RGS7: variants seen among roughly 807,000 people sequenced by gnomAD.
The protein encoded by RGS7 is regulator of G-protein signaling 7.
In RGS7, 27 loss-of-function variants were observed where a neutral mutation model predicts 81.1. The ratio of observed to expected loss-of-function variants is 0.33; its 90% confidence interval spans 0.25 to 0.46. RGS7 has a LOEUF of 0.46. RGS7 is among the 20% of genes least tolerant of loss of function. The pLI is 1.00. For missense variants in RGS7, 396 were observed against 607.4 expected, an observed-to-expected ratio of 0.65 and a Z score of 3.66; for synonymous variants, 208 against 207.7, an observed-to-expected ratio of 1.00 and a Z score of -0.01.
chr1:241,296,042 T>C (rs2079403652), intron 2 of RGS7, among the ~76,000 whole-genome samples: 1 of 152,136 alleles, frequency 6.6e-6, no homozygotes, highest in African/African-American at 2.4e-5. Flanking sequence ...ATGGAGTATC[T>C]TGAGAAGATT....
intron 3 of RGS7, among the ~76,000 whole-genome samples, chr1:241,040,743 G>A (rs1011942715): frequency 3.9e-5 from 6 of 152,076 alleles, no homozygotes; most frequent in South Asian, 2.1e-4. Flanking sequence ...GCCCACCTCG[G>A]CCTCCCAAGG....
intron 3 of RGS7, among the ~76,000 whole-genome samples, chr1:241,000,944 A>T (rs1260186196): frequency 4.0e-5 from 6 of 151,502 alleles, no homozygotes; most frequent in Non-Finnish European, 7.4e-5. Flanking sequence ...GGTGTGAGCC[A>T]CCGTGCCTGA....
At chr1:241,114,612 G>A (rs956212268) in intron 2 of RGS7, among the ~76,000 whole-genome samples, 1 of 152,110 alleles carries the variant, frequency 6.6e-6, no homozygotes, top group Admixed American at 6.6e-5. Flanking sequence ...AATATTCTGT[G>A]ACTAATAGAT....
chr1:241,304,144 CG>C (rs2079939774), intron 2 of RGS7, among the ~76,000 whole-genome samples: 1 of 152,022 alleles, frequency 6.6e-6, no homozygotes, highest in Non-Finnish European at 1.5e-5. Context: ...TTGCCCAGCC[CG>C]GGCTCAAACT....
At chr1:240,862,908 A>T (rs551062349) in intron 9 of RGS7, among the ~76,000 whole-genome samples, 1 of 150,182 alleles carries the variant, frequency 6.7e-6, no homozygotes, top group Admixed American at 6.6e-5. Context: ...TTTACGAATA[A>T]TTTCTGTAAA....
chr1:240,794,981 G>A (rs1413786022), intron 18 of RGS7, among the ~76,000 whole-genome samples: 13 of 151,986 alleles, frequency 8.6e-5, no homozygotes, highest in African/African-American at 2.7e-4. Context: ...TCGGGAGTTC[G>A]AGACCAGCCT....
At chr1:241,127,516 G>A (rs1055443197) in intron 2 of RGS7, among the ~76,000 whole-genome samples, 4 of 152,138 alleles carry the variant, frequency 2.6e-5, no homozygotes, top group Non-Finnish European at 4.4e-5. Flanking sequence ...CACAGGAAGG[G>A]GAACATCACA....
At chr1:241,355,332 T>C (rs1019388439) in intron 2 of RGS7, among the ~76,000 whole-genome samples, 3 of 152,250 alleles carry the variant, frequency 2.0e-5, no homozygotes, top group Admixed American at 6.5e-5. Context: ...CTTATATCAT[T>C]ATTATAACCT....
intron 10 of RGS7, among the ~76,000 whole-genome samples, chr1:240,824,727 C>T (rs75661849): frequency 0.013 from 1,955 of 152,290 alleles, 38 homozygotes; most frequent in African/African-American, 0.045. Flanking sequence ...ATGTTGCAGC[C>T]CTATCCCCCA....
intron 6 of RGS7, among the ~76,000 whole-genome samples, chr1:240,908,424 A>G (rs1288228243): frequency 6.6e-6 from 1 of 152,184 alleles, no homozygotes; most frequent in Non-Finnish European, 1.5e-5. Context: ...AGCCTACACA[A>G]ATGAATGAAT....
intron 2 of RGS7, among the ~76,000 whole-genome samples, chr1:241,343,682 T>C (rs2082709489): frequency 6.6e-6 from 1 of 152,198 alleles, no homozygotes. Context: ...CAAATGGTGA[T>C]TGCAATGGGA....
chr1:240,850,464 G>C (rs1285249447), intron 9 of RGS7, among the ~76,000 whole-genome samples: 1 of 152,148 alleles, frequency 6.6e-6, no homozygotes, highest in African/African-American at 2.4e-5. Flanking sequence ...TATTGTGTGT[G>C]ATCTGACTGC....
At chr1:241,300,747 C>T (rs1463469444) in intron 2 of RGS7, among the ~76,000 whole-genome samples, 1 of 152,172 alleles carries the variant, frequency 6.6e-6, no homozygotes, top group Non-Finnish European at 1.5e-5. Flanking sequence ...TTTGTGTGGA[C>T]ATGTTTCCAG....
At chr1:241,156,169 G>GATAGATAC (rs1475820224) in intron 2 of RGS7, among the ~76,000 whole-genome samples, 142 of 142,856 alleles carry the variant, frequency 9.9e-4, no homozygotes, top group African/African-American at 3.4e-3. Context: ...TAGATAGATA[G>GATAGATAC]ATACATATAC....
At chr1:240,845,906 C>T (rs764187214) in intron 9 of RGS7, among the ~76,000 whole-genome samples, 63 of 152,190 alleles carry the variant, frequency 4.1e-4, no homozygotes, top group Non-Finnish European at 7.6e-4. Flanking sequence ...TGACAAAGTC[C>T]TGTTGCCTCA....
intron 3 of RGS7, among the ~76,000 whole-genome samples, chr1:241,020,107 GA>G (rs1399699884): frequency 6.6e-6 from 1 of 152,128 alleles, no homozygotes; most frequent in Non-Finnish European, 1.5e-5. Flanking sequence ...TTTATCATCT[GA>G]AAAAATGGGT....
intron 2 of RGS7, among the ~76,000 whole-genome samples, chr1:241,156,230 A>C (rs2069139737): frequency 6.6e-6 from 1 of 152,072 alleles, no homozygotes; most frequent in Non-Finnish European, 1.5e-5. Flanking sequence ...GGTGGCTCAC[A>C]CTTGTAATTT....
At chr1:241,086,173 T>C (rs752849388) in intron 3 of RGS7, among the ~76,000 whole-genome samples, 2 of 152,244 alleles carry the variant, frequency 1.3e-5, no homozygotes, top group South Asian at 2.1e-4. Context: ...CAGACCTGTA[T>C]ATCCAACAGT....
Position 241,271,041 on chromosome 1 carries a change from T to G in RGS7, c.78+84658A>C, listed in dbSNP as rs75645375. 2.6e-5 allele frequency among the ~76,000 whole-genome samples: 4 copies of G among 152,242 alleles called. No homozygotes were observed. Among genetic ancestry groups the G allele is most frequent in the Admixed American group, 6.5e-5 (1 of 15,292 alleles). The stretch of plus-strand genomic sequence containing the variant: ...CAAAGTGCTGGGATTCCAGGTCCCA[T>G]CCCTTTTAATTTCTGCACGGGCCCT... On this transcript the variant is annotated intron_variant, in intron 2 of 18. Transcript: ENST00000440928. The surrounding 1 kb of genome is among the most constrained non-coding windows in gnomAD (Gnocchi z 4.6).
Sources: allele counts gnomAD v4.1 joint callset (sites outside exome capture counted in the v4.1 genomes callset), GRCh38; gene constraint gnomAD v4.1.1; non-coding constraint Gnocchi (gnomAD v3.1); transcripts MANE v1.5; gene names NCBI Gene and HGNC (gene_info 2026-07-23, HGNC 2026-07-21).